ACADS: variants seen among roughly 807,000 people sequenced by gnomAD.
ACADS encodes short-chain specific acyl-CoA dehydrogenase, mitochondrial.
Under a neutral mutation model 46.8 loss-of-function variants are expected in ACADS, and 28 were observed. The ratio of observed to expected loss-of-function variants is 0.60; its 90% CI spans 0.44 to 0.82. ACADS has a LOEUF of 0.82. Ranked by LOEUF, ACADS falls within the 40% of genes least tolerant of loss-of-function variation. The pLI is 0.00. For missense variants in ACADS, 528 were observed against 578.0 expected, an observed-to-expected ratio of 0.91 and a Z score of 0.89; for synonymous variants, 236 against 237.7, an observed-to-expected ratio of 0.99 and a Z score of 0.07.
intron 2 of ACADS, among the ~76,000 whole-genome samples, chr12:120,733,548 TGGTGCCTGCTGAAATG>T (rs1253559092): frequency 2.2e-4 from 1 of 4,574 alleles, no homozygotes; most frequent in Non-Finnish European, 3.6e-4. Context: ...CCTGCTGAAA[TGGTGCCTGCTGAAATG>T]GTGCCTGCTG....
At chr12:120,735,988 C>T (rs371865881) in intron 2 of ACADS, among the ~76,000 whole-genome samples, 2 of 151,822 alleles carry the variant, frequency 1.3e-5, no homozygotes, top group East Asian at 1.9e-4. Context: ...GGTTCCCTCC[C>T]GTCCCCATCC....
At chr12:120,734,901 G>A (rs1023430033) in intron 2 of ACADS, among the ~76,000 whole-genome samples, 28 of 150,410 alleles carry the variant, frequency 1.9e-4, no homozygotes, top group African/African-American at 6.8e-4. Context: ...ACAGGCACCC[G>A]CCACCATGCC....
chr12:120,739,071 AG>A, intron 8 of ACADS, 68 bp from the exon 9 acceptor site: 1 of 1,601,042 alleles, frequency 6.2e-7, no homozygotes, highest in Non-Finnish European at 8.6e-7. Flanking sequence ...TCCCCTGCTG[AG>A]GGAGTGGGGG....
Position 120,727,042 on chromosome 12 carries a change from C to CT in ACADS, c.64dup (p.Trp22LeufsTer41), listed in dbSNP as rs1299814059. The CT allele has an allele frequency of 3.1e-6, 5 of 1,614,184 alleles. No homozygotes were observed. The South Asian group carries it at 5.5e-5, about 18-fold the overall frequency. ...TGCCGGCAGCTCTCTGTCCTAGGGC[C>CT]TGGCGGCAGTTACACACCATCTACC... On this transcript the variant is annotated frameshift_variant, in exon 2 of 10. Coordinates refer to ENST00000242592, the MANE Select transcript of ACADS (RefSeq NM_000017.4). LOFTEE classifies it high-confidence loss of function.
At chr12:120,738,737 A>C (rs1202630631) in intron 7 of ACADS, 67 bp downstream of exon 7, 4 of 1,609,422 alleles carry the variant, frequency 2.5e-6, no homozygotes, top group Non-Finnish European at 3.4e-6. Context: ...TGGCCTCCTG[A>C]CTGCTCTCCG....
Position 120,728,766 on chromosome 12 carries a change from CAAAGT to C in ACADS, c.210+1578_210+1582del, listed in dbSNP as rs775635375. 9.2e-5 allele frequency among the ~76,000 whole-genome samples: 14 copies of C among 152,238 alleles called. No individual in the cohort carries two copies. The highest frequency in any genetic ancestry group is 1.8e-4 in the Non-Finnish European group (12 of 68,026). On this transcript the variant is annotated intron_variant, in intron 2 of 9. Transcript: ENST00000242592. The surrounding 1 kb of genome is among the most constrained non-coding windows in gnomAD (Gnocchi z 4.0). ...AGGCAATCCACCCGCCTCGGCCTCG[CAAAGT>C]GCTGGGATTACAGGCGTGAGCCACC...
At chr12:120,731,994 T>C (rs1480606261) in intron 2 of ACADS, among the ~76,000 whole-genome samples, 1 of 152,242 alleles carries the variant, frequency 6.6e-6, no homozygotes, top group Non-Finnish European at 1.5e-5. Context: ...CAGAAGAATT[T>C]TTCTTAGTAC....
Position 120,736,981 on chromosome 12 carries a change from C to T in ACADS, c.211-5C>T. ...CCATGGCGTGCCGTCCTTCCCTGTGCCCAGGTGAAGAAGATGGGCGGGCTT... is the reference window on the plus strand; with the variant it reads ...CCATGGCGTGCCGTCCTTCCCTGTGTCCAGGTGAAGAAGATGGGCGGGCTT... On this transcript the variant is annotated splice_region_variant and splice_polypyrimidine_tract_variant and intron_variant, in intron 2 of 9. Transcript: ENST00000242592. The T allele has an allele frequency of 1.2e-6, 2 of 1,604,002 alleles. No individual in the cohort carries two copies. The highest frequency in any genetic ancestry group is 1.7e-6 in the Non-Finnish European group (2 of 1,176,016).
In ACADS at chr12:120,728,751, C is replaced by A. The variant is rs907083064; in HGVS notation, c.210+1562C>A. Reference sequence around the variant, plus strand: ...CAAACTCCTGAGCTCAGGCAATCCACCCGCCTCGGCCTCGCAAAGTGCTGG... The same window carrying A: ...CAAACTCCTGAGCTCAGGCAATCCAACCGCCTCGGCCTCGCAAAGTGCTGG... On this transcript the variant is annotated intron_variant, in intron 2 of 9. Coordinates refer to ENST00000242592, the MANE Select transcript of ACADS (RefSeq NM_000017.4). This position sits in a 1 kb window ranked among gnomAD's most constrained non-coding sequence, Gnocchi z 4.0. 6.6e-6 allele frequency among the ~76,000 whole-genome samples: 1 copy of A among 152,100 alleles called. No homozygotes were observed. The highest frequency in any genetic ancestry group is 6.5e-5 in the Admixed American group (1 of 15,272).
In ACADS at chr12:120,738,300, C is replaced by G. The variant is rs770774621; in HGVS notation, c.645C>G (p.Val215=). The stretch of plus-strand genomic sequence containing the variant: ...TTCAGGGCATCAGTGCCTTCCTGGT[C>G]CCCATGCCAACGCCTGGGCTCACGT... The part of the protein sequence containing the change: ...LQNKGISAFL[V]PMPTPGLTLG... The change falls in exon 6 of 10, where the codon GTC becomes GTG. Residue 215 remains valine, a synonymous_variant. Transcript: ENST00000242592. 4.3e-6 allele frequency: 7 copies of G among 1,614,086 alleles called. No homozygotes were observed. The highest frequency in any genetic ancestry group is 5.9e-6 in the Non-Finnish European group (7 of 1,180,052).
chr12:120,729,709 T>C (rs1478373381), intron 2 of ACADS, among the ~76,000 whole-genome samples: 1 of 152,176 alleles, frequency 6.6e-6, no homozygotes, highest in Non-Finnish European at 1.5e-5. Flanking sequence ...CCACTTTTTT[T>C]CTAGAATGTT....
Position 120,727,039 on chromosome 12 carries a change from G to A in ACADS, c.60G>A (p.Arg20=), listed in dbSNP as rs1384456650. The part of the protein sequence containing the change: ...SGPARRALCP[R]AWRQLHTIYQ... ...CCTTGCCGGCAGCTCTCTGTCCTAG[G>A]GCCTGGCGGCAGTTACACACCATCT... The change falls in exon 2 of 10, where the codon AGG becomes AGA. Residue 20 remains arginine, a synonymous_variant. Transcript: ENST00000242592. The A allele has an allele frequency of 1.9e-6, 3 of 1,613,984 alleles. No individual in the cohort carries two copies. The highest frequency in any genetic ancestry group is 3.3e-5 in the Admixed American group (2 of 59,996).
At chr12:120,726,010 T>C in intron 1 of ACADS, 79 bp downstream of exon 1, 1 of 1,386,272 alleles carries the variant, frequency 7.2e-7, no homozygotes, top group Non-Finnish European at 9.5e-7. Context: ...CGGCCGGCTC[T>C]GTCAGAGCCG....
chr12:120,739,349 G>T lies in ACADS; in HGVS notation c.1140G>T (p.Arg380=). The part of the protein sequence containing the change: ...MGYVTEMPAE[R]HYRDARITEI... ...ACGTGACAGAGATGCCGGCAGAGCGGCACTACCGCGACGCCCGCATCACTG... is the reference window on the plus strand; with the variant it reads ...ACGTGACAGAGATGCCGGCAGAGCGTCACTACCGCGACGCCCGCATCACTG... The change falls in exon 10 of 10, where the codon CGG becomes CGT. Residue 380 remains arginine, a synonymous_variant. Coordinates refer to ENST00000242592, the MANE Select transcript of ACADS (RefSeq NM_000017.4). 1 of 1,612,926 alleles carries T rather than the reference G, an allele frequency of 6.2e-7. No homozygotes were observed. Among genetic ancestry groups the T allele is most frequent in the Non-Finnish European group, 8.5e-7 (1 of 1,179,966 alleles).
In ACADS at chr12:120,735,104, T is replaced by C. The variant is rs546587237; in HGVS notation, c.211-1882T>C. Reference sequence around the variant, plus strand: ...CTGGCTAATGTGGTGAAACCTGGTCTCTACCAAAAATATAAAAATTAGCCA... The same window carrying C: ...CTGGCTAATGTGGTGAAACCTGGTCCCTACCAAAAATATAAAAATTAGCCA... On this transcript the variant is annotated intron_variant, in intron 2 of 9. Coordinates refer to ENST00000242592, the MANE Select transcript of ACADS (RefSeq NM_000017.4). Among the ~76,000 whole-genome samples, 3 of 146,044 alleles carry C rather than the reference T, an allele frequency of 2.1e-5. No individual in the cohort carries two copies. In the East Asian group the frequency reaches 6.4e-4, roughly 31 times the overall value.
intron 2 of ACADS, among the ~76,000 whole-genome samples, chr12:120,730,675 C>T (rs1407918738): frequency 6.6e-6 from 1 of 152,172 alleles, no homozygotes; most frequent in Non-Finnish European, 1.5e-5. Context: ...TACTCTCTTT[C>T]TGGGAATTTG....
chr12:120,736,962 C>G lies in ACADS; in HGVS notation c.211-24C>G, dbSNP rs112669327. 3.2e-6 allele frequency: 5 copies of G among 1,581,794 alleles called. No individual in the cohort carries two copies. In the African/African-American group the frequency reaches 6.7e-5, roughly 21 times the overall value. ...GCTCGCCCCCGGCAGCTGCCCATGGCGTGCCGTCCTTCCCTGTGCCCAGGT... is the reference window on the plus strand; with the variant it reads ...GCTCGCCCCCGGCAGCTGCCCATGGGGTGCCGTCCTTCCCTGTGCCCAGGT... On this transcript the variant is annotated intron_variant, in intron 2 of 9. Transcript: ENST00000242592.
At chr12:120,729,139 TG>T (rs1286390959) in intron 2 of ACADS, among the ~76,000 whole-genome samples, 1 of 152,122 alleles carries the variant, frequency 6.6e-6, no homozygotes, top group Non-Finnish European at 1.5e-5. Flanking sequence ...ACTAAAATAT[TG>T]GGGCTGGGAC....
intron 2 of ACADS, among the ~76,000 whole-genome samples, chr12:120,732,735 A>G (rs952665122): frequency 1.3e-5 from 2 of 150,082 alleles, no homozygotes; most frequent in African/African-American, 4.9e-5. Flanking sequence ...CTCACTTCCC[A>G]GACTGGGCAG....
Sources: gnomAD v4.1 joint callset for allele counts (sites outside exome capture counted in the v4.1 genomes callset) on GRCh38, gnomAD v4.1.1 for gene constraint, Gnocchi (gnomAD v3.1) non-coding constraint, MANE v1.5 for transcripts, NCBI Gene and HGNC (gene_info 2026-07-23, HGNC 2026-07-21) for gene names.